ODF2: variants seen among roughly 807,000 people sequenced by gnomAD.
The protein encoded by ODF2 is outer dense fiber protein 2.
In ODF2, 47 loss-of-function variants were observed where a neutral mutation model predicts 110.2. The observed-to-expected ratio is 0.43, with a 90% CI of 0.34 to 0.54. ODF2 has a LOEUF of 0.54. Among genes scored for constraint, ODF2 ranks in the 20% least tolerant of loss-of-function variants. ODF2 has a pLI of 0.03. For missense variants in ODF2, 812 were observed against 1,054.5 expected, an observed-to-expected ratio of 0.77 and a Z score of 3.19; for synonymous variants, 352 against 397.7, an observed-to-expected ratio of 0.89 and a Z score of 1.37.
intron 18 of ODF2, among the ~76,000 whole-genome samples, chr9:128,496,736 A>G (rs138097145): frequency 7.9e-5 from 12 of 151,982 alleles, no homozygotes; most frequent in African/African-American, 2.4e-4. Context: ...CTATCTATCT[A>G]TCTATCATCT....
chr9:128,484,710 C>T lies in ODF2; in HGVS notation c.1114C>T (p.Arg372Cys), dbSNP rs769424024. The change falls in exon 12 of 21, where the codon CGC (arginine) becomes TGC (cysteine). Residue 372 changes from arginine to cysteine, a missense_variant. This residue lies in a region of ODF2 where 73 missense variants were observed against 71.0 expected (regional missense o/e 1.03). Coordinates refer to ENST00000604420, the Ensembl canonical transcript of ODF2. Reference sequence around the variant, plus strand: ...CCCTTCCCCCTTCCAGAATCTGGAGCGCAGCGGGAATCAGCATAAGGCAGA... The same window carrying T: ...CCCTTCCCCCTTCCAGAATCTGGAGTGCAGCGGGAATCAGCATAAGGCAGA... 7.1e-5 allele frequency: 111 copies of T among 1,564,498 alleles called. No individual in the cohort carries two copies. In the East Asian group the frequency reaches 1.1e-3, roughly 15 times the overall value.
chr9:128,484,778 G>A (rs1175009338), exon 12 of ODF2: 3 of 1,612,064 alleles, frequency 1.9e-6, no homozygotes, highest in African/African-American at 1.3e-5. Context: ...TGAAGCAGAA[G>A]GGAGACCGAG....
At position 128,498,955 on chromosome 9, in the gene ODF2, C is replaced by T. The variant is rs1301999902; in HGVS notation, c.2176-46C>T. ...CAGCCTTCTCTTTGCCAAGTGTTCC[C>T]CATGTCCGGTAAACCAGTCTCATGT... On this transcript the variant is annotated intron_variant, in intron 19 of 20. Transcript: ENST00000604420. The T allele has an allele frequency of 5.6e-6, 9 of 1,611,100 alleles. No individual in the cohort carries two copies. In the East Asian group the frequency reaches 1.8e-4, roughly 32 times the overall value.
chr9:128,482,754 C>A, intron 9 of ODF2, 62 bp from the exon 10 acceptor site: 1 of 1,321,334 alleles, frequency 7.6e-7, no homozygotes, highest in Non-Finnish European at 1.1e-6. Flanking sequence ...AATCTCTGTC[C>A]TCCCTGGGCC....
chr9:128,485,294 G>T lies in ODF2; in HGVS notation c.1291-71G>T, dbSNP rs1843147998. The T allele has an allele frequency of 1.2e-6, 1 of 806,686 alleles. No individual in the cohort carries two copies. The highest frequency in any genetic ancestry group is 2.1e-6 in the Non-Finnish European group (1 of 476,454). The allele number at this position is 806,686 out of a possible 1,614,324, so 50.0% of individuals were successfully genotyped here. A position where few individuals can be genotyped will look rare whatever the true frequency, so the allele number is the denominator to read the frequency against. On this transcript the variant is annotated intron_variant, in intron 12 of 20. Coordinates refer to ENST00000604420, the Ensembl canonical transcript of ODF2. The surrounding 1 kb of genome is among the most constrained non-coding windows in gnomAD (Gnocchi z 5.0). ...CAGGGTGAGAAACCACCTAGGATGA[G>T]CCCGCTCCCAGCTCCTGGCAGCCTC...
chr9:128,473,488 G>A, intron 7 of ODF2, 122 bp from the exon 8 acceptor site: 1 of 1,474,552 alleles, frequency 6.8e-7, no homozygotes, highest in South Asian at 1.3e-5. Context: ...GATCACCTTG[G>A]CACTGTACAC....
At chr9:128,467,937 C>T (rs1022109527) in intron 4 of ODF2, among the ~76,000 whole-genome samples, 1 of 152,124 alleles carries the variant, frequency 6.6e-6, no homozygotes, top group Non-Finnish European at 1.5e-5. Flanking sequence ...CCTCGTGATC[C>T]GCCCGCCTTG....
intron 6 of ODF2, among the ~76,000 whole-genome samples, chr9:128,472,426 C>T (rs1345330875): frequency 2.0e-5 from 3 of 152,258 alleles, no homozygotes; most frequent in East Asian, 1.9e-4. Context: ...AGGCTGCTCT[C>T]GATAACACCT....
chr9:128,456,187 C>T, exon 1 of ODF2: 7 of 1,549,374 alleles, frequency 4.5e-6, no homozygotes, highest in Non-Finnish European at 6.1e-6. Flanking sequence ...GTCTCCATGG[C>T]ACGACCCTGG....
rs1001873493 is a variant in ODF2, at chr9:128,489,374, C to T, written c.1536+1349C>T. Among the ~76,000 whole-genome samples the T allele has an allele frequency of 5.3e-5, 8 of 152,192 alleles. No homozygotes were observed. The South Asian group carries it at 1.7e-3, about 32-fold the overall frequency. ...GTGAATATACTTTGTCCATCACTCA[C>T]TCTGATTGAACCTTGCCTGCACCCT... On this transcript the variant is annotated intron_variant, in intron 14 of 20. Coordinates refer to ENST00000604420, the Ensembl canonical transcript of ODF2.
At chr9:128,470,021 ATATATATATAT>A (rs1839500446) in intron 5 of ODF2, among the ~76,000 whole-genome samples, 1 of 37,930 alleles carries the variant, frequency 2.6e-5, no homozygotes, top group Non-Finnish European at 5.0e-5. Flanking sequence ...AAAAAAAAAT[ATATATATATAT>A]ATATATATAT....
chr9:128,459,492 G>A, intron 2 of ODF2, 75 bp from the exon 2 acceptor site: 1 of 1,184,866 alleles, frequency 8.4e-7, no homozygotes, highest in Non-Finnish European at 1.2e-6. Flanking sequence ...TAGTCAGTGT[G>A]TAATTTCATG....
intron 3 of ODF2, 86 bp downstream of exon 3, chr9:128,460,752 G>A: frequency 6.4e-7 from 1 of 1,563,740 alleles, no homozygotes; most frequent in Non-Finnish European, 8.7e-7. Flanking sequence ...TGACTCCAAA[G>A]GTTTGGGAGA....
intron 1 of ODF2, chr9:128,456,978 G>T: frequency 2.4e-6 from 3 of 1,238,032 alleles, no homozygotes; most frequent in Non-Finnish European, 3.1e-6. Context: ...CTCCCTGCGC[G>T]GTTCTGGCCC....
chr9:128,499,106 C>T, exon 20 of ODF2: 1 of 1,614,232 alleles, frequency 6.2e-7, no homozygotes, highest in Non-Finnish European at 8.5e-7. Flanking sequence ...ATTGAGCCAG[C>T]TGCGGCGGAG....
intron 16 of ODF2, among the ~76,000 whole-genome samples, chr9:128,493,713 T>C (rs921775863): frequency 2.6e-5 from 4 of 152,202 alleles, no homozygotes; most frequent in Non-Finnish European, 5.9e-5. Flanking sequence ...AAGGATGGAC[T>C]TAGACCAGAT....
In ODF2 at chr9:128,461,256, T is replaced by G. The variant is rs551999370; in HGVS notation, c.249+189T>G. 40 of 690,692 alleles carry G rather than the reference T, an allele frequency of 5.8e-5. No individual in the cohort carries two copies. In the East Asian group the frequency reaches 1.2e-3, roughly 20 times the overall value. The allele number at this position is 690,692 out of a possible 1,614,324, so 42.8% of individuals were successfully genotyped here. A position where few individuals can be genotyped will look rare whatever the true frequency, so the allele number is the denominator to read the frequency against. ...TCTTATGATACTGCTGTGTGGGAAG[T>G]CCTGCTGTCCAAAGGCAGAGATGAG... On this transcript the variant is annotated intron_variant, in intron 4 of 20. Transcript: ENST00000604420.
chr9:128,497,840 C>T (rs1238770592), intron 18 of ODF2: 1 of 152,314 alleles, frequency 6.6e-6, no homozygotes, highest in Non-Finnish European at 1.5e-5. Context: ...AGCTAGATCC[C>T]CCAGGCCCTG....
At chr9:128,456,759 G>C (rs761518125) in intron 1 of ODF2, 1 of 442,302 alleles carries the variant, frequency 2.3e-6, no homozygotes, top group Non-Finnish European at 2.6e-6. Flanking sequence ...CTCGCCCGGC[G>C]GGGGGGGGTC....
Sources: allele counts gnomAD v4.1 joint callset (sites outside exome capture counted in the v4.1 genomes callset), GRCh38; gene constraint gnomAD v4.1.1; regional missense constraint gnomAD v4.1.1; non-coding constraint Gnocchi (gnomAD v3.1); transcripts MANE v1.5; gene names NCBI Gene and HGNC (gene_info 2026-07-23, HGNC 2026-07-21).